DIAPH3: variants seen among roughly 807,000 people sequenced by gnomAD.
DIAPH3 encodes the protein diaphanous related formin 3, also known as protein diaphanous homolog 3.
DIAPH3 carries 117 observed loss-of-function variants against 144.3 expected under a neutral mutation model. That is an observed-to-expected ratio of 0.81 (90% confidence interval 0.70 to 0.95). The LOEUF (loss-of-function observed/expected upper bound fraction) is 0.95, where lower values mean the gene tolerates loss of function less well. Among genes scored for constraint, DIAPH3 ranks in the 40% least tolerant of loss-of-function variants. The probability of loss-of-function intolerance (pLI) is 0.00; values close to 1 mark genes in which losing one functional copy is unlikely to be tolerated. For missense variants in DIAPH3, 1,421 were observed against 1,412.7 expected (o/e 1.01, Z -0.09); for synonymous variants, 519 against 488.9 (o/e 1.06, Z -0.81).
chr13:59,874,974 G>T (rs533029428), intron 21 of DIAPH3, among the ~76,000 whole-genome samples: 2 of 152,080 alleles, frequency 1.3e-5, no homozygotes, highest in Non-Finnish European at 2.9e-5. Flanking sequence ...AAATTTACAA[G>T]TCAAAATTAT....
chr13:60,049,529 C>A (rs946950011), intron 4 of DIAPH3, among the ~76,000 whole-genome samples: 2 of 152,206 alleles, frequency 1.3e-5, no homozygotes, highest in South Asian at 4.1e-4. Flanking sequence ...CAGGCCTACT[C>A]CTAAACATTG....
chr13:59,795,885 G>A (rs1005808872), intron 25 of DIAPH3, among the ~76,000 whole-genome samples: 4 of 152,068 alleles, frequency 2.6e-5, no homozygotes, highest in South Asian at 2.1e-4. Flanking sequence ...ATTTCCACCC[G>A]CTTGCCAGCC....
chr13:60,149,287 G>A (rs1951673861), intron 1 of DIAPH3, among the ~76,000 whole-genome samples: 2 of 152,160 alleles, frequency 1.3e-5, no homozygotes, highest in South Asian at 4.1e-4. Context: ...AAGAATGGTC[G>A]CAGATATAGA....
chr13:60,041,580 C>A (rs2055669600), intron 5 of DIAPH3, among the ~76,000 whole-genome samples: 2 of 152,122 alleles, frequency 1.3e-5, no homozygotes, highest in African/African-American at 4.8e-5. Flanking sequence ...CATACTATAT[C>A]CTAGCCACAG....
At chr13:59,805,418 A>T (rs1004821925) in intron 25 of DIAPH3, among the ~76,000 whole-genome samples, 2 of 152,096 alleles carry the variant, frequency 1.3e-5, no homozygotes, top group Non-Finnish European at 2.9e-5. Flanking sequence ...ACTAGAAATG[A>T]TTACACTTAA....
chr13:59,871,444 C>A (rs911331954), intron 21 of DIAPH3, among the ~76,000 whole-genome samples: 1 of 152,192 alleles, frequency 6.6e-6, no homozygotes, highest in Non-Finnish European at 1.5e-5. Flanking sequence ...TGTAGATGTT[C>A]TTTATCAACT....
chr13:60,120,798 T>A (rs1383888212), intron 2 of DIAPH3, among the ~76,000 whole-genome samples: 1 of 152,108 alleles, frequency 6.6e-6, no homozygotes, highest in African/African-American at 2.4e-5. Flanking sequence ...TCCAGCCCCA[T>A]CAAGGCTGCA....
intron 17 of DIAPH3, among the ~76,000 whole-genome samples, chr13:59,957,333 A>G (rs2049469876): frequency 6.6e-6 from 1 of 152,126 alleles, no homozygotes; most frequent in South Asian, 2.1e-4. Context: ...GGTTTTTCCC[A>G]TGCTGTTCTC....
chr13:59,683,749 T>C (rs2033069485), intron 27 of DIAPH3, among the ~76,000 whole-genome samples: 1 of 152,182 alleles, frequency 6.6e-6, no homozygotes, highest in Non-Finnish European at 1.5e-5. Flanking sequence ...TCTAACGTTC[T>C]TTCACTGAGG....
chr13:60,119,840 C>T (rs1036926788), intron 2 of DIAPH3, among the ~76,000 whole-genome samples: 3 of 146,752 alleles, frequency 2.0e-5, no homozygotes, highest in Non-Finnish European at 3.0e-5. Context: ...CAACAGATAA[C>T]GATTATAGTC....
Position 59,738,862 on chromosome 13 carries a change from T to G in DIAPH3, c.3319+35327A>C, listed in dbSNP as rs78980992. ...TGTACATATTTACCTATATGCCTCCTTGTATACTGAGATATTTTCCCTAAC... is the reference window on the plus strand; with the variant it reads ...TGTACATATTTACCTATATGCCTCCGTGTATACTGAGATATTTTCCCTAAC... On this transcript the variant is annotated intron_variant, in intron 27 of 27. Transcript: ENST00000400324. 9.0e-3 allele frequency among the ~76,000 whole-genome samples: 1,368 copies of G among 152,336 alleles called. 12 individuals are homozygous for G. The highest frequency in any genetic ancestry group is 0.054 in the Middle Eastern group (16 of 294).
chr13:59,819,415 T>C (rs1428335812), intron 24 of DIAPH3, among the ~76,000 whole-genome samples: 2 of 151,842 alleles, frequency 1.3e-5, no homozygotes, highest in Non-Finnish European at 2.9e-5. Context: ...TTAAAATAGT[T>C]TGTTGTATTT....
chr13:60,071,655 C>T (rs1437753212), intron 4 of DIAPH3, among the ~76,000 whole-genome samples: 2 of 152,170 alleles, frequency 1.3e-5, no homozygotes, highest in East Asian at 3.9e-4. Flanking sequence ...ACTCTGAACA[C>T]ATAACTTTGC....
At chr13:59,934,128 T>C (rs2048152442) in intron 17 of DIAPH3, among the ~76,000 whole-genome samples, 1 of 152,126 alleles carries the variant, frequency 6.6e-6, no homozygotes, top group South Asian at 2.1e-4. Context: ...GCATAAAAGG[T>C]AATAAAAACC....
intron 24 of DIAPH3, among the ~76,000 whole-genome samples, chr13:59,826,235 C>G: frequency 4.8e-5 from 6 of 123,746 alleles, no homozygotes; most frequent in Non-Finnish European, 3.5e-5. Flanking sequence ...AAGAGGAAGT[C>G]AAATTGTCCC....
rs2031995985 is a variant in DIAPH3 at position 59,666,190 on chromosome 13, T to C, written c.*394A>G. ...TGGATATGTAAAGACTTGAGGTTGA[T>C]GACCTGACATCCATTAATGTTAAAA... On this transcript the variant is annotated 3_prime_UTR_variant, in exon 28 of 28. Transcript: ENST00000400324. 5.6e-6 allele frequency: 1 copy of C among 178,644 alleles called. No homozygotes were observed. The highest frequency in any genetic ancestry group is 5.8e-5 in the Admixed American group (1 of 17,326). 11.1% of individuals were successfully genotyped at this position (178,644 alleles called of 1,614,324 possible).
At position 60,068,522 on chromosome 13, in the gene DIAPH3, C is replaced by G. The variant is rs78779521; in HGVS notation, c.495+25106G>C. 2.2e-3 allele frequency among the ~76,000 whole-genome samples: 339 copies of G among 151,996 alleles called. 1 individual carries two copies. Among genetic ancestry groups the G allele is most frequent in the African/African-American group, 7.7e-3 (319 of 41,448 alleles). On this transcript the variant is annotated intron_variant, in intron 4 of 27. Coordinates refer to ENST00000400324, the MANE Select transcript of DIAPH3 (RefSeq NM_001042517.2). ...TTTATTCCAACATTTATTTTAGGTT[C>G]AAGGGATACATGTGCAGGTTTGTTA...
At chr13:59,990,211 G>C (rs2051721507) in intron 12 of DIAPH3, among the ~76,000 whole-genome samples, 2 of 151,702 alleles carry the variant, frequency 1.3e-5, no homozygotes, top group South Asian at 4.2e-4. Context: ...TAATTTTGAT[G>C]CATGTCCTAT....
At chr13:59,752,580 G>T (rs1050230750) in intron 27 of DIAPH3, among the ~76,000 whole-genome samples, 3 of 151,964 alleles carry the variant, frequency 2.0e-5, no homozygotes, top group Non-Finnish European at 4.4e-5. Flanking sequence ...GTTGTGCAGG[G>T]CTGGTCTCGA....
Sources: gnomAD v4.1 joint callset for allele counts (sites outside exome capture counted in the v4.1 genomes callset) on GRCh38, gnomAD v4.1.1 for gene constraint, MANE v1.5 for transcripts, NCBI Gene and HGNC (gene_info 2026-07-23, HGNC 2026-07-21) for gene names.